The following MAMDC2 variants were observed in gnomAD, a reference collection of about 807,000 sequenced individuals.
MAMDC2 encodes the protein MAM domain containing 2.
A neutral mutation model predicts 89.8 loss-of-function variants in MAMDC2; 57 were observed. The ratio of observed to expected loss-of-function variants is 0.63; its 90% CI spans 0.51 to 0.79. MAMDC2 has a LOEUF of 0.79. MAMDC2 is among the 30% of genes least tolerant of loss of function. The pLI is 0.00. For synonymous variants in MAMDC2, 313 were observed against 293.4 expected (o/e 1.07, Z -0.68); for missense variants, 800 against 820.6 (o/e 0.97, Z 0.31).
At chr9:70,213,961 A>T (rs2033402310) in intron 11 of MAMDC2, among the ~76,000 whole-genome samples, 1 of 152,208 alleles carries the variant, frequency 6.6e-6, no homozygotes, top group African/African-American at 2.4e-5. Context: ...GAAATGGTCA[A>T]ACTGGTTTGT....
At position 70,217,432 on chromosome 9, in the gene MAMDC2, A is replaced by G. The variant is rs1007017006; in HGVS notation, c.1652-905A>G. ...AACCCACCCAGCAGTCAAATTCCAG[A>G]GGGCCATTACTGGTGCATCTCTTGC... On this transcript the variant is annotated intron_variant, in intron 11 of 13. Transcript: ENST00000377182. The G allele has an allele frequency of 9.0e-6, 12 of 1,327,382 alleles. No homozygotes were observed. In the East Asian group the frequency reaches 1.8e-4, roughly 20 times the overall value. The allele number at this position is 1,327,382 out of a possible 1,614,324, so 82.2% of individuals were successfully genotyped here.
rs571837399 is a variant in MAMDC2, at chr9:70,205,871, A to G, written c.1652-12466A>G. 2.0e-5 allele frequency among the ~76,000 whole-genome samples: 3 copies of G among 152,312 alleles called. No individual in the cohort carries two copies. In the South Asian group the frequency reaches 6.2e-4, roughly 32 times the overall value. ...CAGTGCTTGAAGCTGTAATGTGGTAAAACTTGTCAAACAGGGCTTTTCTCT... is the reference window on the plus strand; with the variant it reads ...CAGTGCTTGAAGCTGTAATGTGGTAGAACTTGTCAAACAGGGCTTTTCTCT... On this transcript the variant is annotated intron_variant, in intron 11 of 13. Coordinates refer to ENST00000377182, the MANE Select transcript of MAMDC2 (RefSeq NM_153267.5).
intron 11 of MAMDC2, among the ~76,000 whole-genome samples, chr9:70,203,514 G>A (rs1263709558): frequency 1.5e-5 from 2 of 137,676 alleles, no homozygotes; most frequent in South Asian, 2.6e-4. Context: ...CAACTTTGGT[G>A]AATCTGACAT....
intron 11 of MAMDC2, among the ~76,000 whole-genome samples, chr9:70,212,056 G>C (rs1220834428): frequency 1.3e-5 from 2 of 152,252 alleles, no homozygotes; most frequent in African/African-American, 4.8e-5. Flanking sequence ...GTGTCTCCCA[G>C]TTAGGCTACT....
chr9:70,211,455 T>G (rs908759724), intron 11 of MAMDC2, among the ~76,000 whole-genome samples: 3 of 152,256 alleles, frequency 2.0e-5, no homozygotes, highest in Non-Finnish European at 2.9e-5. Flanking sequence ...CATAGTTCTC[T>G]TGCCATGGTT....
intron 2 of MAMDC2, among the ~76,000 whole-genome samples, chr9:70,061,953 T>TGATTCAGCTGTAATGG (rs540112375): frequency 6.6e-6 from 1 of 152,182 alleles, no homozygotes; most frequent in Non-Finnish European, 1.5e-5. Flanking sequence ...ATGAAGATGT[T>TGATTCAGCTGTAATGG]GATTCAGCTG....
intron 12 of MAMDC2, among the ~76,000 whole-genome samples, chr9:70,221,150 G>A (rs2033547267): frequency 6.6e-6 from 1 of 150,926 alleles, no homozygotes; most frequent in Admixed American, 6.6e-5. Flanking sequence ...AATATATAAA[G>A]TTCTTATTTG....
Position 70,128,302 on chromosome 9 carries a change from T to C in MAMDC2, c.900+1887T>C, listed in dbSNP as rs376905299. On this transcript the variant is annotated intron_variant, in intron 6 of 13. Transcript: ENST00000377182. Reference sequence around the variant, plus strand: ...TCAGTGTAAATTTTGCCATTCACTTTCTTTACCAGCTAGTGCCTTGAGAGC... The same window carrying C: ...TCAGTGTAAATTTTGCCATTCACTTCCTTTACCAGCTAGTGCCTTGAGAGC... Among the ~76,000 whole-genome samples the C allele has an allele frequency of 2.6e-4, 40 of 152,374 alleles. No homozygotes were observed. The East Asian group carries it at 5.6e-3, about 21-fold the overall frequency.
chr9:70,204,709 T>C (rs4578012), intron 11 of MAMDC2, among the ~76,000 whole-genome samples: 112,212 of 138,826 alleles, frequency 0.81, 44,852 homozygotes, highest in Admixed American at 0.86. Flanking sequence ...ATCAGCGAGA[T>C]TCCGTGGGCG....
At chr9:70,085,495 A>G (rs1827750296) in intron 2 of MAMDC2, among the ~76,000 whole-genome samples, 1 of 152,086 alleles carries the variant, frequency 6.6e-6, no homozygotes. Context: ...CTTTTTTCCC[A>G]GTGTCAACAT....
At chr9:70,216,421 C>A (rs2033447103) in intron 11 of MAMDC2, 1 of 150,464 alleles carries the variant, frequency 6.6e-6, no homozygotes, top group African/African-American at 2.4e-5. Flanking sequence ...GGTGTGTGCG[C>A]CTGAAGAGAG....
intron 6 of MAMDC2, among the ~76,000 whole-genome samples, chr9:70,126,978 G>A (rs2030582519): frequency 6.6e-6 from 1 of 152,120 alleles, no homozygotes; most frequent in African/African-American, 2.4e-5. Context: ...TATAAGTGAC[G>A]TGTTCAATGC....
chr9:70,149,028 C>CA lies in MAMDC2; in HGVS notation c.1404+5226dup, dbSNP rs58600001. Among the ~76,000 whole-genome samples, 17 of 70,664 alleles carry CA rather than the reference C, an allele frequency of 2.4e-4. 1 individual carries two copies. Among genetic ancestry groups the CA allele is most frequent in the Admixed American group, 7.3e-4 (4 of 5,472 alleles). The allele number at this position is 70,664 out of a possible 152,430, so 46.4% of individuals were successfully genotyped here. A position where few individuals can be genotyped will look rare whatever the true frequency, so the allele number is the denominator to read the frequency against. Reference sequence around the variant, plus strand: ...TGGGCAACAGAGCAAGACTCTGTCTCAAAAAAAAAAAAAAAAATTTTTTTT... The same window carrying CA: ...TGGGCAACAGAGCAAGACTCTGTCTCAAAAAAAAAAAAAAAAAATTTTTTTT... On this transcript the variant is annotated intron_variant, in intron 9 of 13. Transcript: ENST00000377182.
intron 2 of MAMDC2, among the ~76,000 whole-genome samples, chr9:70,052,127 A>T (rs1007107128): frequency 6.6e-6 from 1 of 152,210 alleles, no homozygotes; most frequent in Admixed American, 6.5e-5. Flanking sequence ...GGTGATTGTG[A>T]TATGTGTCCA....
chr9:70,211,137 C>G (rs1410670968), intron 11 of MAMDC2, among the ~76,000 whole-genome samples: 1 of 152,102 alleles, frequency 6.6e-6, no homozygotes, highest in African/African-American at 2.4e-5. Context: ...ATCTTTGTGG[C>G]GTTCTCTGAA....
chr9:70,126,088 A>G, intron 5 of MAMDC2, 71 bp from the exon 6 acceptor site: 18 of 1,454,784 alleles, frequency 1.2e-5, no homozygotes, highest in Non-Finnish European at 1.7e-5. Flanking sequence ...GAATCACACC[A>G]TTTCGCCTGA....
intron 11 of MAMDC2, chr9:70,217,088 A>G: frequency 2.0e-6 from 1 of 508,778 alleles, no homozygotes; most frequent in Non-Finnish European, 3.5e-6. Context: ...CAATAAATTT[A>G]AAAATAGCAA....
At chr9:70,123,825 C>T (rs2030397659) in intron 5 of MAMDC2, among the ~76,000 whole-genome samples, 1 of 152,166 alleles carries the variant, frequency 6.6e-6, no homozygotes, top group African/African-American at 2.4e-5. Flanking sequence ...GCCAGCACAC[C>T]ACCAGAAGCC....
At chr9:70,053,638 A>C (rs1032192872) in intron 2 of MAMDC2, among the ~76,000 whole-genome samples, 5 of 152,234 alleles carry the variant, frequency 3.3e-5, no homozygotes, top group African/African-American at 1.2e-4. Flanking sequence ...TAGCTCTCAG[A>C]ATCAACAGGA....
Sources: gnomAD v4.1 joint callset for allele counts (sites outside exome capture counted in the v4.1 genomes callset) on GRCh38, gnomAD v4.1.1 for gene constraint, MANE v1.5 for transcripts, NCBI Gene and HGNC (gene_info 2026-07-23, HGNC 2026-07-21) for gene names.